GTF3C4: variants seen among roughly 807,000 people sequenced by gnomAD.
GTF3C4 encodes general transcription factor 3C polypeptide 4.
In GTF3C4, 28 loss-of-function variants were observed where a neutral mutation model predicts 67.5. That is an observed-to-expected ratio of 0.41 (90% CI 0.31 to 0.57). The LOEUF (loss-of-function observed/expected upper bound fraction) is 0.57, where lower values mean the gene tolerates loss of function less well. Ranked by LOEUF, GTF3C4 falls within the 20% of genes least tolerant of loss-of-function variation. GTF3C4 has a pLI of 0.21. For synonymous variants in GTF3C4, 409 were observed against 393.0 expected (o/e 1.04, Z -0.48); for missense variants, 831 against 1,033.2 (o/e 0.80, Z 2.68).
chr9:132,671,770 C>T (rs973268897), intron 1 of GTF3C4, among the ~76,000 whole-genome samples: 1 of 152,086 alleles, frequency 6.6e-6, no homozygotes. Context: ...CTGCTTGGTG[C>T]TGCCCCATGT....
intron 1 of GTF3C4, among the ~76,000 whole-genome samples, chr9:132,671,487 C>T (rs1835760352): frequency 6.6e-6 from 1 of 152,124 alleles, no homozygotes; most frequent in African/African-American, 2.4e-5. Context: ...TGGTCCTCGC[C>T]TCTCCTTGGG....
intron 1 of GTF3C4, among the ~76,000 whole-genome samples, chr9:132,671,707 C>T (rs1328442632): frequency 8.2e-6 from 1 of 122,690 alleles, no homozygotes; most frequent in Non-Finnish European, 1.7e-5. Flanking sequence ...TGTACGCTTA[C>T]ATGTGAACTG....
Position 132,694,757 on chromosome 9 carries a change from T to C in GTF3C4, c.*5812T>C, listed in dbSNP as rs1324306871. Reference sequence around the variant, plus strand: ...ACCATTGGTTTTAGCTCTTTCTCATTTGGGATTCCCCTCAATTGCTTACAT... The same window carrying C: ...ACCATTGGTTTTAGCTCTTTCTCATCTGGGATTCCCCTCAATTGCTTACAT... On this transcript the variant is annotated 3_prime_UTR_variant, in exon 5 of 5. Coordinates refer to ENST00000372146, the MANE Select transcript of GTF3C4 (RefSeq NM_012204.4). 1 of 152,196 alleles carries C rather than the reference T, an allele frequency of 6.6e-6. No homozygotes were observed. The highest frequency in any genetic ancestry group is 2.4e-5 in the African/African-American group (1 of 41,442). The allele number at this position is 152,196 out of a possible 1,614,324, so 9.4% of individuals were successfully genotyped here. A position where few individuals can be genotyped will look rare whatever the true frequency, so the allele number is the denominator to read the frequency against.
intron 2 of GTF3C4, among the ~76,000 whole-genome samples, chr9:132,683,034 A>C (rs1259899045): frequency 6.6e-6 from 1 of 152,232 alleles, no homozygotes; most frequent in Non-Finnish European, 1.5e-5. Flanking sequence ...CAGTGGGGTC[A>C]GCTTGTCTCA....
intron 2 of GTF3C4, among the ~76,000 whole-genome samples, chr9:132,683,183 C>T (rs1195196256): frequency 6.6e-6 from 1 of 152,198 alleles, no homozygotes; most frequent in Non-Finnish European, 1.5e-5. Flanking sequence ...AAAGTCAAAA[C>T]ATTATAAATA....
intron 3 of GTF3C4, among the ~76,000 whole-genome samples, chr9:132,684,218 C>T (rs1031260465): frequency 2.0e-5 from 3 of 152,190 alleles, no homozygotes; most frequent in Non-Finnish European, 4.4e-5. Context: ...CATCTGCACA[C>T]TGATGATTTA....
At chr9:132,688,521 C>G (rs1037723550) in intron 4 of GTF3C4, among the ~76,000 whole-genome samples, 3 of 152,118 alleles carry the variant, frequency 2.0e-5, no homozygotes, top group East Asian at 1.9e-4. Context: ...TTTAAAAATT[C>G]CTATTACTGT....
chr9:132,678,432 T>A lies in GTF3C4; in HGVS notation c.813T>A (p.Val271=). The part of the protein sequence containing the change: ...QVKHNNECRD[V]GSVLLAVLFE... ...AGCATAACAACGAATGCCGGGACGT[T>A]GGCAGTGTGCTCCTGGCTGTCCTCT... is the stretch of plus-strand genomic sequence containing the variant. The change falls in exon 2 of 5, where the codon GTT becomes GTA. Residue 271 remains valine, a synonymous_variant. Coordinates refer to ENST00000372146, the MANE Select transcript of GTF3C4 (RefSeq NM_012204.4). The surrounding 1 kb of genome is among the most constrained non-coding windows in gnomAD (Gnocchi z 6.5). 1 of 1,614,236 alleles carries A rather than the reference T, an allele frequency of 6.2e-7. No individual in the cohort carries two copies. Among genetic ancestry groups the A allele is most frequent in the Non-Finnish European group, 8.5e-7 (1 of 1,180,036 alleles).
Position 132,687,232 on chromosome 9 carries a change from CT to C in GTF3C4, c.2316-4del. ...CTCCCTTGCCAATACAGTCTGTCTT[CT>C]TTCAGGTGCTTCTTAACCTACCAGT... On this transcript the variant is annotated splice_region_variant and splice_polypyrimidine_tract_variant and intron_variant, in intron 3 of 4. Transcript: ENST00000372146. 1 of 1,555,058 alleles carries C rather than the reference CT, an allele frequency of 6.4e-7. No individual in the cohort carries two copies. Among genetic ancestry groups the C allele is most frequent in the Non-Finnish European group, 8.9e-7 (1 of 1,126,342 alleles).
intron 1 of GTF3C4, among the ~76,000 whole-genome samples, chr9:132,676,276 A>C (rs1302606379): frequency 6.7e-6 from 1 of 149,978 alleles, no homozygotes; most frequent in Non-Finnish European, 1.5e-5. Flanking sequence ...ATTTTCTGTT[A>C]GGCTTAATGG....
chr9:132,670,443 C>T (rs35412050), upstream of GTF3C4: 3 of 954,020 alleles, frequency 3.1e-6, no homozygotes, highest in Non-Finnish European at 4.3e-6. Context: ...GGCCGCGTTG[C>T]CTGGCAACGG....
At chr9:132,682,651 C>A (rs1403702202) in intron 2 of GTF3C4, among the ~76,000 whole-genome samples, 1 of 127,874 alleles carries the variant, frequency 7.8e-6, no homozygotes, top group Non-Finnish European at 1.5e-5. Flanking sequence ...TCAACCCAGG[C>A]TGATGTGCAG....
rs1836074939 is a variant in GTF3C4, at chr9:132,689,115, T to G, written c.*170T>G. Reference sequence around the variant, plus strand: ...GCTCATTTCTGAATCGCACTCTCCATTTCCAGAGACTAAAGGATGTCCTTT... The same window carrying G: ...GCTCATTTCTGAATCGCACTCTCCAGTTCCAGAGACTAAAGGATGTCCTTT... On this transcript the variant is annotated 3_prime_UTR_variant, in exon 5 of 5. Transcript: ENST00000372146. The G allele has an allele frequency of 1.6e-6, 1 of 607,720 alleles. No homozygotes were observed. Among genetic ancestry groups the G allele is most frequent in the Admixed American group, 2.7e-5 (1 of 37,162 alleles). 37.6% of individuals were successfully genotyped at this position (607,720 alleles called of 1,614,324 possible).
At position 132,670,472 on chromosome 9, in the gene GTF3C4, G is replaced by C. The variant is rs1186864385; in HGVS notation, c.-127G>C. 2.0e-6 allele frequency: 2 copies of C among 984,952 alleles called. No individual in the cohort carries two copies. Among genetic ancestry groups the C allele is most frequent in the African/African-American group, 1.7e-5 (1 of 57,932 alleles). The allele number at this position is 984,952 out of a possible 1,614,324, so 61.0% of individuals were successfully genotyped here. On this transcript the variant is annotated 5_prime_UTR_variant, in exon 1 of 5. Coordinates refer to ENST00000372146, the MANE Select transcript of GTF3C4 (RefSeq NM_012204.4). ...GCAACGGCGGGGTCCTTCTTGGCTC[G>C]GCGGCGCTCGGGGCCTGAGGGGAGA...
In GTF3C4 at chr9:132,694,501, G is replaced by A. The variant is rs73659432; in HGVS notation, c.*5556G>A. On this transcript the variant is annotated 3_prime_UTR_variant, in exon 5 of 5. Coordinates refer to ENST00000372146, the MANE Select transcript of GTF3C4 (RefSeq NM_012204.4). ...CACTACTTAACCTTCTTTTCCTGAA[G>A]ATTACATATCAGTGTCCTGCGTTTT... 1 of 152,322 alleles carries A rather than the reference G, an allele frequency of 6.6e-6. No homozygotes were observed. The highest frequency in any genetic ancestry group is 2.4e-5 in the African/African-American group (1 of 41,560). The allele number at this position is 152,322 out of a possible 1,614,324, so 9.4% of individuals were successfully genotyped here. A position where few individuals can be genotyped will look rare whatever the true frequency, so the allele number is the denominator to read the frequency against.
intron 4 of GTF3C4, 65 bp downstream of exon 4, chr9:132,687,392 C>A: frequency 2.2e-6 from 2 of 919,318 alleles, no homozygotes; most frequent in Non-Finnish European, 3.6e-6. Flanking sequence ...GCCAGCGCCC[C>A]AGAATAACAG....
intron 1 of GTF3C4, among the ~76,000 whole-genome samples, chr9:132,675,263 T>C (rs1835847598): frequency 6.6e-6 from 1 of 152,184 alleles, no homozygotes; most frequent in Non-Finnish European, 1.5e-5. Context: ...TCTGGCGTCA[T>C]AGCACAGATT....
intron 1 of GTF3C4, 124 bp from the exon 2 acceptor site, chr9:132,677,853 T>C (rs539079078): frequency 1.3e-6 from 1 of 769,632 alleles, no homozygotes; most frequent in South Asian, 1.8e-5. Flanking sequence ...CTCTCTTGCA[T>C]ATATTAATTC....
chr9:132,674,301 T>G lies in GTF3C4; in HGVS notation c.357+3346T>G, dbSNP rs369626225. Among the ~76,000 whole-genome samples the G allele has an allele frequency of 7.0e-4, 106 of 152,396 alleles. 1 individual carries two copies. The South Asian group carries it at 0.018, about 25-fold the overall frequency. ...GCAGGCCTCTGGGAGCTGGACTTTT[T>G]AAGTATACTCCTTGGGCATCTGAAT... On this transcript the variant is annotated intron_variant, in intron 1 of 4. Coordinates refer to ENST00000372146, the MANE Select transcript of GTF3C4 (RefSeq NM_012204.4).
Sources: gnomAD v4.1 joint callset for allele counts (sites outside exome capture counted in the v4.1 genomes callset) on GRCh38, gnomAD v4.1.1 for gene constraint, Gnocchi (gnomAD v3.1) non-coding constraint, MANE v1.5 for transcripts, NCBI Gene and HGNC (gene_info 2026-07-23, HGNC 2026-07-21) for gene names.